The following PCM1 variants were observed in gnomAD, a reference collection of about 807,000 sequenced individuals.
PCM1 encodes the protein pericentriolar material 1.
Under a neutral mutation model 241.9 loss-of-function variants are expected in PCM1, and 157 were observed. That is an observed-to-expected ratio of 0.65 (90% CI 0.57 to 0.74). The LOEUF (loss-of-function observed/expected upper bound fraction) is 0.74. PCM1 is among the 30% of genes least tolerant of loss of function. The pLI is 0.00. For missense variants in PCM1, 3,478 were observed against 2,360.1 expected, an observed-to-expected ratio of 1.47 and a Z score of -9.81; for synonymous variants, 1,085 against 784.9, an observed-to-expected ratio of 1.38 and a Z score of -6.39.
rs765067975 is a variant in PCM1, at chr8:17,957,707, A to C, written c.1972A>C (p.Lys658Gln). The C allele has an allele frequency of 1.5e-5, 25 of 1,613,314 alleles. No individual in the cohort carries two copies. In the South Asian group the frequency reaches 2.5e-4, roughly 16 times the overall value. The change falls in exon 13 of 39, where the codon AAG becomes CAG. Residue 658 changes from lysine (K) to glutamine (Q), a missense_variant. Lys to Gln is a moderately conservative substitution (Grantham distance 53). Transcript: ENST00000325083. Reference protein sequence around the residue: ...EHPEDAEFEQKINRLMAAKQK... With the variant: ...EHPEDAEFEQQINRLMAAKQK... ...TCCAGAAGATGCTGAATTTGAACAGAAGATCAACCGACTTATGGCTGCAAA... is the reference window on the plus strand; with the variant it reads ...TCCAGAAGATGCTGAATTTGAACAGCAGATCAACCGACTTATGGCTGCAAA...
At chr8:17,940,202 A>G in intron 6 of PCM1, 3 of 1,016,890 alleles carry the variant, frequency 3.0e-6, no homozygotes, top group Non-Finnish European at 4.4e-6. Flanking sequence ...ATGAAGGTTT[A>G]AATTTTTCTC....
chr8:17,928,703 C>T (rs1374335440), intron 2 of PCM1, among the ~76,000 whole-genome samples: 4 of 147,292 alleles, frequency 2.7e-5, no homozygotes, highest in Non-Finnish European at 6.0e-5. Flanking sequence ...ACTATCTCCG[C>T]TCACTGTAAC....
chr8:18,001,209 C>T (rs2089293806), intron 29 of PCM1, among the ~76,000 whole-genome samples: 1 of 152,148 alleles, frequency 6.6e-6, no homozygotes, highest in African/African-American at 2.4e-5. Context: ...GTCAAGTAGT[C>T]ATAAAATACA....
At chr8:17,960,941 C>G (rs1220464485) in intron 15 of PCM1, among the ~76,000 whole-genome samples, 1 of 152,042 alleles carries the variant, frequency 6.6e-6, no homozygotes, top group Non-Finnish European at 1.5e-5. Context: ...TAGGAATTGA[C>G]TCATTATTTT....
rs554669295 is a variant in PCM1 at position 17,961,261 on chromosome 8, G to T, written c.2323-773G>T. On this transcript the variant is annotated intron_variant, in intron 15 of 38. Coordinates refer to ENST00000325083, the MANE Select transcript of PCM1 (RefSeq NM_006197.4). ...TAATCAGTTAATAATATGGGAAGGG[G>T]ATAATAATTCCTTCTGATATTTTCC... Among the ~76,000 whole-genome samples the T allele has an allele frequency of 3.6e-4, 54 of 148,176 alleles. 1 individual carries two copies. The highest frequency in any genetic ancestry group is 1.2e-3 in the African/African-American group (47 of 40,128).
At chr8:17,985,826 C>A in intron 25 of PCM1, 133 bp from the exon 26 acceptor site, 2 of 734,630 alleles carry the variant, frequency 2.7e-6, no homozygotes, top group South Asian at 4.4e-5. Context: ...TTGTCTACTT[C>A]CTCACACTTA....
At chr8:17,965,444 A>G (rs1006931532) in intron 18 of PCM1, among the ~76,000 whole-genome samples, 1 of 152,244 alleles carries the variant, frequency 6.6e-6, no homozygotes, top group Admixed American at 6.5e-5. Context: ...GGAACCAGGC[A>G]CAAAGAACAG....
intron 8 of PCM1, 110 bp from the exon 9 acceptor site, chr8:17,952,860 T>A: frequency 2.8e-6 from 2 of 702,808 alleles, no homozygotes; most frequent in South Asian, 4.1e-5. Flanking sequence ...CAGCACAGCC[T>A]AGCAAATATT....
chr8:17,949,933 G>A (rs2065368755), intron 7 of PCM1, among the ~76,000 whole-genome samples: 1 of 152,048 alleles, frequency 6.6e-6, no homozygotes, highest in African/African-American at 2.4e-5. Flanking sequence ...TTTAAATTAA[G>A]AAGATAAAAA....
In PCM1 at chr8:18,025,648, AAAAG is replaced by A. The variant is rs1564474664; in HGVS notation, c.6042_6045del (p.Lys2014AsnfsTer34). On this transcript the variant is annotated frameshift_variant, in exon 38 of 39. Coordinates refer to ENST00000325083, the MANE Select transcript of PCM1 (RefSeq NM_006197.4). LOFTEE classifies it high-confidence loss of function. Reference sequence around the variant, plus strand: ...AATTAGCTGGAAATTCTGAGACACTAAAAGAACCTGGTAAGAGTTATCAATTTAA... The same window carrying A: ...AATTAGCTGGAAATTCTGAGACACTAAACCTGGTAAGAGTTATCAATTTAA... The A allele has an allele frequency of 2.6e-6, 4 of 1,534,336 alleles. No homozygotes were observed. The highest frequency in any genetic ancestry group is 2.3e-5 in the East Asian group (1 of 42,602).
At chr8:17,979,605 A>G (rs905071646) in intron 23 of PCM1, among the ~76,000 whole-genome samples, 1 of 152,242 alleles carries the variant, frequency 6.6e-6, no homozygotes, top group South Asian at 2.1e-4. Flanking sequence ...TACTAGGTCT[A>G]TAAAAAGCTA....
chr8:17,978,177 G>A (rs2079426075), intron 23 of PCM1, among the ~76,000 whole-genome samples: 1 of 151,964 alleles, frequency 6.6e-6, no homozygotes, highest in Non-Finnish European at 1.5e-5. Context: ...CCAAATTACA[G>A]GCCTAGAAAA....
chr8:17,973,871 A>C (rs1229817557), intron 23 of PCM1, among the ~76,000 whole-genome samples: 1 of 152,220 alleles, frequency 6.6e-6, no homozygotes, highest in Non-Finnish European at 1.5e-5. Context: ...GTAGTAAGAA[A>C]ATACACTTGT....
At chr8:17,952,260 AAAGG>A (rs1369301430) in intron 8 of PCM1, among the ~76,000 whole-genome samples, 4 of 146,770 alleles carry the variant, frequency 2.7e-5, no homozygotes, top group African/African-American at 1.0e-4. Context: ...AATAAAAAAT[AAAGG>A]AACATGAGAG....
intron 6 of PCM1, 152 bp downstream of exon 6, chr8:17,940,013 G>A (rs187933308): frequency 7.1e-7 from 1 of 1,411,590 alleles, no homozygotes; most frequent in South Asian, 1.2e-5. Context: ...TTTAATAGTT[G>A]TATGATTTAT....
intron 9 of PCM1, 26 bp from the exon 10 acceptor site, chr8:17,955,444 A>T (rs541774792): frequency 1.5e-4 from 222 of 1,519,386 alleles, no homozygotes; most frequent in Middle Eastern, 7.0e-4. Context: ...ATTAAAAAAA[A>T]TTTTTTGTTG....
intron 16 of PCM1, among the ~76,000 whole-genome samples, chr8:17,962,768 TG>T (rs912149030): frequency 4.2e-5 from 6 of 143,912 alleles, no homozygotes; most frequent in African/African-American, 1.6e-4. Flanking sequence ...CTAGGTGTAG[TG>T]GTGGGCGCCT....
At chr8:17,933,745 G>C (rs377046527) in intron 2 of PCM1, among the ~76,000 whole-genome samples, 1 of 152,044 alleles carries the variant, frequency 6.6e-6, no homozygotes, top group Non-Finnish European at 1.5e-5. Flanking sequence ...TACTCTTTAA[G>C]AATACCACCT....
Position 17,989,902 on chromosome 8 carries a change from G to GC in PCM1, c.4454_4455insC (p.Glu1486Ter). The GC allele has an allele frequency of 6.5e-7, 1 of 1,546,922 alleles. No homozygotes were observed. The highest frequency in any genetic ancestry group is 2.0e-5 in the Admixed American group (1 of 50,834). On this transcript the variant is annotated frameshift_variant, in exon 27 of 39. Coordinates refer to ENST00000325083, the MANE Select transcript of PCM1 (RefSeq NM_006197.4). LOFTEE classifies it high-confidence loss of function. Reference sequence around the variant, plus strand: ...TTTGAAAGAGAAACCCATAAAATAAGTGAGCAAAATGATGCTGATAATGCT... The same window carrying GC: ...TTTGAAAGAGAAACCCATAAAATAAGCTGAGCAAAATGATGCTGATAATGCT...
Sources: allele counts gnomAD v4.1 joint callset (sites outside exome capture counted in the v4.1 genomes callset), GRCh38; gene constraint gnomAD v4.1.1; transcripts MANE v1.5; gene names NCBI Gene and HGNC (gene_info 2026-07-23, HGNC 2026-07-21).